The following GRM7 variants were observed in gnomAD, a reference collection of about 807,000 sequenced individuals.
GRM7 encodes metabotropic glutamate receptor 7.
A neutral mutation model predicts 84.5 loss-of-function variants in GRM7; 35 were observed. The ratio of observed to expected loss-of-function variants is 0.41; its 90% confidence interval spans 0.32 to 0.55. GRM7 has a LOEUF of 0.55. GRM7 is among the 20% of genes least tolerant of loss of function. The pLI is 0.19. For synonymous variants in GRM7, 487 were observed against 455.1 expected, an observed-to-expected ratio of 1.07 and a Z score of -0.89; for missense variants, 1,003 against 1,194.6, an observed-to-expected ratio of 0.84 and a Z score of 2.36.
rs574158845 is a variant in GRM7, at chr3:7,057,610, A to G, written c.520-88842A>G. On this transcript the variant is annotated intron_variant, in intron 1 of 9. Coordinates refer to ENST00000357716, the MANE Select transcript of GRM7 (RefSeq NM_000844.4). ...TAAAAAATAAAAAAAATCAGTTCATACTTCTGGAAAATGAAAGATCTAGAG... is the reference window on the plus strand; with the variant it reads ...TAAAAAATAAAAAAAATCAGTTCATGCTTCTGGAAAATGAAAGATCTAGAG... Among the ~76,000 whole-genome samples the G allele has an allele frequency of 2.6e-5, 4 of 152,106 alleles. No individual in the cohort carries two copies. The East Asian group carries it at 7.8e-4, about 30-fold the overall frequency.
intron 4 of GRM7, among the ~76,000 whole-genome samples, chr3:7,397,963 C>A (rs1695283457): frequency 6.6e-6 from 1 of 151,996 alleles, no homozygotes; most frequent in Non-Finnish European, 1.5e-5. Flanking sequence ...CGTGGATGCA[C>A]CCAAGTTAAA....
At chr3:7,700,565 T>C (rs1701190467) in intron 9 of GRM7, among the ~76,000 whole-genome samples, 2 of 152,240 alleles carry the variant, frequency 1.3e-5, no homozygotes, top group South Asian at 2.1e-4. Flanking sequence ...TCTTCATAAA[T>C]AGTAAATAGA....
At chr3:7,252,096 CA>C (rs1333863695) in intron 2 of GRM7, among the ~76,000 whole-genome samples, 1 of 152,124 alleles carries the variant, frequency 6.6e-6, no homozygotes, top group East Asian at 1.9e-4. Context: ...CTTACATTCA[CA>C]TTAAATTATA....
chr3:7,517,749 G>T (rs1376793857), intron 7 of GRM7, among the ~76,000 whole-genome samples: 4 of 152,120 alleles, frequency 2.6e-5, no homozygotes, highest in Non-Finnish European at 4.4e-5. Flanking sequence ...TCCGGGCCAG[G>T]TATTAACACT....
At chr3:7,589,428 T>C (rs1695676107) in intron 8 of GRM7, among the ~76,000 whole-genome samples, 1 of 152,214 alleles carries the variant, frequency 6.6e-6, no homozygotes, top group Non-Finnish European at 1.5e-5. Flanking sequence ...TTTGTATTAG[T>C]TTCTAAATTT....
At chr3:7,043,046 T>C (rs752089857) in intron 1 of GRM7, among the ~76,000 whole-genome samples, 2 of 152,200 alleles carry the variant, frequency 1.3e-5, no homozygotes, top group Non-Finnish European at 2.9e-5. Context: ...GAAAACACTG[T>C]TTTGAGTACT....
intron 2 of GRM7, among the ~76,000 whole-genome samples, chr3:7,212,715 T>C (rs1696472409): frequency 6.6e-6 from 1 of 152,240 alleles, no homozygotes; most frequent in Admixed American, 6.5e-5. Flanking sequence ...TTTTATTCAT[T>C]CATCCATTCA....
intron 5 of GRM7, 83 bp from the exon 6 acceptor site, chr3:7,452,524 A>G: frequency 1.1e-6 from 1 of 929,068 alleles, no homozygotes; most frequent in Non-Finnish European, 1.7e-6. Flanking sequence ...TTGAAAGTTT[A>G]CTTTTAAATT....
chr3:7,092,530 G>A (rs1011105420), intron 1 of GRM7, among the ~76,000 whole-genome samples: 2 of 151,378 alleles, frequency 1.3e-5, no homozygotes, highest in Non-Finnish European at 2.9e-5. Context: ...CTGACAGTGA[G>A]TATTCAGAGT....
chr3:7,644,684 T>C (rs1559460148), intron 8 of GRM7, among the ~76,000 whole-genome samples: 1 of 152,240 alleles, frequency 6.6e-6, no homozygotes, highest in Non-Finnish European at 1.5e-5. Context: ...ACCATTATTC[T>C]GACAAATTAC....
chr3:6,981,180 T>C (rs1694183662), intron 1 of GRM7, among the ~76,000 whole-genome samples: 1 of 152,234 alleles, frequency 6.6e-6, no homozygotes, highest in Admixed American at 6.5e-5. Flanking sequence ...GGGTTGCATC[T>C]TTTTGATACT....
chr3:7,347,296 C>G (rs936945824), intron 4 of GRM7, among the ~76,000 whole-genome samples: 1 of 152,092 alleles, frequency 6.6e-6, no homozygotes, highest in Non-Finnish European at 1.5e-5. Context: ...AGAAAACATG[C>G]CTAGACCTCT....
At chr3:7,110,973 C>T (rs1692829143) in intron 1 of GRM7, among the ~76,000 whole-genome samples, 1 of 152,026 alleles carries the variant, frequency 6.6e-6, no homozygotes, top group African/African-American at 2.4e-5. Flanking sequence ...CAGGGGAAGA[C>T]AGAATGGGTG....
intron 1 of GRM7, among the ~76,000 whole-genome samples, chr3:6,962,341 T>C (rs937166756): frequency 6.6e-6 from 1 of 152,158 alleles, no homozygotes; most frequent in African/African-American, 2.4e-5. Flanking sequence ...TTATATCTAC[T>C]GACACTAGAG....
intron 4 of GRM7, among the ~76,000 whole-genome samples, chr3:7,331,540 T>C (rs941280464): frequency 2.0e-5 from 3 of 152,216 alleles, no homozygotes; most frequent in Non-Finnish European, 4.4e-5. Context: ...ATTTTTCTTC[T>C]CTAGTCATCT....
intron 4 of GRM7, among the ~76,000 whole-genome samples, chr3:7,395,422 C>T (rs1695171953): frequency 6.6e-6 from 1 of 152,148 alleles, no homozygotes; most frequent in Admixed American, 6.5e-5. Flanking sequence ...AGTTCCACTT[C>T]AGATAGCATG....
At chr3:7,229,755 A>ATTTTTTTT (rs1266640710) in intron 2 of GRM7, among the ~76,000 whole-genome samples, 9 of 28,476 alleles carry the variant, frequency 3.2e-4, no homozygotes, top group Admixed American at 1.6e-3. Context: ...ATATATATAT[A>ATTTTTTTT]TATATTTTTT....
At chr3:7,008,092 C>A (rs1695243406) in intron 1 of GRM7, among the ~76,000 whole-genome samples, 1 of 146,550 alleles carries the variant, frequency 6.8e-6, no homozygotes, top group Admixed American at 7.1e-5. Context: ...TTGAATGATG[C>A]CTGTAGATAA....
intron 7 of GRM7, among the ~76,000 whole-genome samples, chr3:7,485,061 A>G (rs1699270047): frequency 6.6e-6 from 1 of 152,204 alleles, no homozygotes. Context: ...CAACAACCAC[A>G]TGGTGAGCTT....
Sources: allele counts gnomAD v4.1 joint callset (sites outside exome capture counted in the v4.1 genomes callset), GRCh38; gene constraint gnomAD v4.1.1; transcripts MANE v1.5; gene names NCBI Gene and HGNC (gene_info 2026-07-23, HGNC 2026-07-21).